Variants in SLC25A46 observed in about 807,000 individuals in gnomAD.
SLC25A46 encodes the protein mitochondrial outer membrane protein SLC25A46.
A neutral mutation model predicts 44.6 loss-of-function variants in SLC25A46; 39 were observed. The ratio of observed to expected loss-of-function variants is 0.87; its 90% confidence interval spans 0.68 to 1.14. The LOEUF (loss-of-function observed/expected upper bound fraction) is 1.14, where lower values mean the gene tolerates loss of function less well. SLC25A46 is among the 50% of genes most tolerant of loss of function. The pLI is 0.00. For synonymous variants in SLC25A46, 202 were observed against 185.8 expected (o/e 1.09, Z -0.71); for missense variants, 547 against 522.7 (o/e 1.05, Z -0.45).
At position 110,739,022 on chromosome 5, in the gene SLC25A46, C is replaced by CGCG. The variant is rs1270077597; in HGVS notation, c.-89_-87dup. ...TCCGGTTGTCAGAATTTACCCCTGA[C>CGCG]GCGGCGGCGGCCGACGGGAAGCTGT... On this transcript the variant is annotated 5_prime_UTR_variant, in exon 1 of 8. Transcript: ENST00000355943. The CGCG allele has an allele frequency of 4.0e-6, 6 of 1,486,018 alleles. No homozygotes were observed. The East Asian group carries it at 1.2e-4, about 31-fold the overall frequency. The allele number at this position is 1,486,018 out of a possible 1,614,324, so 92.1% of individuals were successfully genotyped here.
intron 6 of SLC25A46, chr5:110,756,126 G>A (rs1800105073): frequency 6.6e-6 from 1 of 152,086 alleles, no homozygotes; most frequent in Non-Finnish European, 1.5e-5. Context: ...GGTTAGGTAA[G>A]TCCCACCTTG....
chr5:110,744,184 A>G (rs1245388574), intron 3 of SLC25A46, among the ~76,000 whole-genome samples: 1 of 152,214 alleles, frequency 6.6e-6, no homozygotes, highest in African/African-American at 2.4e-5. Context: ...AATCTGTTGC[A>G]TCACGTGGTT....
intron 3 of SLC25A46, among the ~76,000 whole-genome samples, chr5:110,745,284 C>T (rs1050493887): frequency 6.6e-5 from 10 of 151,908 alleles, no homozygotes; most frequent in Admixed American, 1.3e-4. Context: ...GACGGAGTCT[C>T]GCTCTGTTGC....
intron 3 of SLC25A46, among the ~76,000 whole-genome samples, chr5:110,744,826 G>A (rs779132543): frequency 1.3e-5 from 2 of 152,166 alleles, no homozygotes; most frequent in Non-Finnish European, 2.9e-5. Flanking sequence ...TTAGCTTGCA[G>A]TTCTATCATA....
intron 5 of SLC25A46, chr5:110,754,704 G>A (rs1351557689): frequency 6.6e-6 from 1 of 151,946 alleles, no homozygotes; most frequent in Non-Finnish European, 1.5e-5. Flanking sequence ...TCATCAGTAA[G>A]ACAAGTGTGA....
chr5:110,746,484 C>G (rs1039300853), intron 4 of SLC25A46, 138 bp downstream of exon 4: 1 of 580,710 alleles, frequency 1.7e-6, no homozygotes, highest in African/African-American at 2.0e-5. Context: ...AGTAGCACAA[C>G]GATATGTTTT....
In SLC25A46 at chr5:110,761,069, T is replaced by G. The variant is rs1406100534; in HGVS notation, c.679-135T>G. ...AAAAAATCTGATGCCTAGATAACAG[T>G]TAAAGTCTGCAAATCATGGATGTTT... On this transcript the variant is annotated intron_variant, in intron 7 of 7. Coordinates refer to ENST00000355943, the MANE Select transcript of SLC25A46 (RefSeq NM_138773.4). The surrounding 1 kb of genome is among the most constrained non-coding windows in gnomAD (Gnocchi z 5.3). 8.7e-6 allele frequency: 6 copies of G among 692,908 alleles called. No homozygotes were observed. In the Admixed American group the frequency reaches 1.5e-4, roughly 17 times the overall value. The allele number at this position is 692,908 out of a possible 1,614,324, so 42.9% of individuals were successfully genotyped here.
intron 7 of SLC25A46, among the ~76,000 whole-genome samples, chr5:110,760,486 T>A (rs952233199): frequency 6.6e-6 from 1 of 152,146 alleles, no homozygotes; most frequent in African/African-American, 2.4e-5. Flanking sequence ...GTCTACAGAT[T>A]AGTCTCTAAG....
rs571989149 is a variant in SLC25A46, at chr5:110,762,351, T to C, written c.*569T>C. 1.5e-3 allele frequency: 225 copies of C among 152,286 alleles called. No individual in the cohort carries two copies. The highest frequency in any genetic ancestry group is 2.4e-3 in the Non-Finnish European group (166 of 68,114). The allele number at this position is 152,286 out of a possible 1,614,324, so 9.4% of individuals were successfully genotyped here. On this transcript the variant is annotated 3_prime_UTR_variant, in exon 8 of 8. Coordinates refer to ENST00000355943, the MANE Select transcript of SLC25A46 (RefSeq NM_138773.4). ...CCCTATGTAACTATCTTAATGGCTA[T>C]ATATATGTATTTTATAAAGCCATTT...
At position 110,757,643 on chromosome 5, in the gene SLC25A46, G is replaced by A. The variant is rs181497948; in HGVS notation, c.678+884G>A. On this transcript the variant is annotated intron_variant, in intron 7 of 7. Coordinates refer to ENST00000355943, the MANE Select transcript of SLC25A46 (RefSeq NM_138773.4). ...AACTAACTTCAGTTAACTGAAGTTA[G>A]TGTCTTGCGACCCAAATCATACTTT... is the stretch of plus-strand genomic sequence containing the variant. Among the ~76,000 whole-genome samples the A allele has an allele frequency of 3.3e-3, 499 of 152,076 alleles. 4 individuals carry two copies. The highest frequency in any genetic ancestry group is 0.011 in the African/African-American group (475 of 41,506).
rs895648812 is a variant in SLC25A46, at chr5:110,763,720, A to G, written c.*1938A>G. On this transcript the variant is annotated 3_prime_UTR_variant, in exon 8 of 8. Coordinates refer to ENST00000355943, the MANE Select transcript of SLC25A46 (RefSeq NM_138773.4). ...GAAGTTAGCATGAAAATAGTTAGTTACATAAATTCATTTTATTGTAGAATA... is the reference window on the plus strand; with the variant it reads ...GAAGTTAGCATGAAAATAGTTAGTTGCATAAATTCATTTTATTGTAGAATA... The G allele has an allele frequency of 2.0e-5, 3 of 151,908 alleles. No homozygotes were observed. The highest frequency in any genetic ancestry group is 7.2e-5 in the African/African-American group (3 of 41,424). 9.4% of individuals were successfully genotyped at this position (151,908 alleles called of 1,614,324 possible). A position where few individuals can be genotyped will look rare whatever the true frequency, so the allele number is the denominator to read the frequency against.
At chr5:110,739,471 C>G in intron 1 of SLC25A46, 69 bp downstream of exon 1, 1 of 1,488,180 alleles carries the variant, frequency 6.7e-7, no homozygotes, top group Non-Finnish European at 8.9e-7. Flanking sequence ...CTGCAGACCC[C>G]GGAAGCGGCG....
Position 110,739,077 on chromosome 5 carries a change from TGGTGGGCTCCG to T in SLC25A46, c.-40_-30del. 2 of 1,532,092 alleles carry T rather than the reference TGGTGGGCTCCG, an allele frequency of 1.3e-6. No homozygotes were observed. Among genetic ancestry groups the T allele is most frequent in the Non-Finnish European group, 1.7e-6 (2 of 1,143,740 alleles). The allele number at this position is 1,532,092 out of a possible 1,614,324, so 94.9% of individuals were successfully genotyped here. A position where few individuals can be genotyped will look rare whatever the true frequency, so the allele number is the denominator to read the frequency against. On this transcript the variant is annotated 5_prime_UTR_variant, in exon 1 of 8. Coordinates refer to ENST00000355943, the MANE Select transcript of SLC25A46 (RefSeq NM_138773.4). ...GCTTAGGTCGTGGTGGCCCCGGTGGTGGTGGGCTCCGGGCGGGCTCGCGTCATCCTGCCCCC... is the reference window on the plus strand; with the variant it reads ...GCTTAGGTCGTGGTGGCCCCGGTGGTGGCGGGCTCGCGTCATCCTGCCCCC...
At chr5:110,748,131 A>C (rs753140505) in intron 4 of SLC25A46, 32 bp from the exon 5 acceptor site, 1 of 1,493,024 alleles carries the variant, frequency 6.7e-7, no homozygotes, top group East Asian at 2.3e-5. Flanking sequence ...TGTAGGTATT[A>C]ACAGAAATAA....
intron 5 of SLC25A46, chr5:110,753,487 A>T (rs1202735421): frequency 6.6e-6 from 1 of 152,002 alleles, no homozygotes; most frequent in Non-Finnish European, 1.5e-5. Flanking sequence ...AATAAATTTT[A>T]TTAATTTTTT....
rs1374393710 is a variant in SLC25A46, at chr5:110,764,654, G to T, written c.*2872G>T. On this transcript the variant is annotated 3_prime_UTR_variant, in exon 8 of 8. Transcript: ENST00000355943. ...CTTTAGTGTTTCTACCTAAGTATTAGTACATCTGTTCAGGAAATGGAAAAA... is the reference window on the plus strand; with the variant it reads ...CTTTAGTGTTTCTACCTAAGTATTATTACATCTGTTCAGGAAATGGAAAAA... 6.6e-6 allele frequency: 1 copy of T among 151,588 alleles called. No individual in the cohort carries two copies. Among genetic ancestry groups the T allele is most frequent in the Non-Finnish European group, 1.5e-5 (1 of 67,866 alleles). The allele number at this position is 151,588 out of a possible 1,614,324, so 9.4% of individuals were successfully genotyped here.
At chr5:110,748,287 G>C in intron 5 of SLC25A46, 24 bp downstream of exon 5, 1 of 1,585,626 alleles carries the variant, frequency 6.3e-7, no homozygotes, top group Non-Finnish European at 8.7e-7. Flanking sequence ...CATTTCTTCA[G>C]TATTAGTTTC....
chr5:110,754,021 T>C (rs1449601082), intron 5 of SLC25A46: 1 of 152,190 alleles, frequency 6.6e-6, no homozygotes, highest in Non-Finnish European at 1.5e-5. Flanking sequence ...CATTGAATAA[T>C]ATGATTTCAG....
At position 110,739,518 on chromosome 5, in the gene SLC25A46, G is replaced by A. The variant is rs80270718; in HGVS notation, c.283+116G>A. 183 of 1,378,792 alleles carry A rather than the reference G, an allele frequency of 1.3e-4. 1 individual carries two copies. The East Asian group carries it at 4.6e-3, about 35-fold the overall frequency. 85.4% of individuals were successfully genotyped at this position (1,378,792 alleles called of 1,614,324 possible). On this transcript the variant is annotated intron_variant, in intron 1 of 7. Coordinates refer to ENST00000355943, the MANE Select transcript of SLC25A46 (RefSeq NM_138773.4). ...GCCTCCTATTCCTTCTCATCCTATC[G>A]CGCGCCACACCCTTTGCCCTCCTTT...
Sources: allele counts gnomAD v4.1 joint callset (sites outside exome capture counted in the v4.1 genomes callset), GRCh38; gene constraint gnomAD v4.1.1; non-coding constraint Gnocchi (gnomAD v3.1); transcripts MANE v1.5; gene names NCBI Gene and HGNC (gene_info 2026-07-23, HGNC 2026-07-21).